Variants in DPYD observed in about 807,000 individuals in gnomAD.
DPYD encodes the protein dihydropyrimidine dehydrogenase.
In DPYD, 109 loss-of-function variants were observed where a neutral mutation model predicts 116.2. The ratio of observed to expected loss-of-function variants is 0.94; its 90% CI spans 0.80 to 1.10. The LOEUF is 1.10. Ranked by LOEUF, DPYD falls within the 50% of genes least tolerant of loss-of-function variation. The pLI is 0.00. For synonymous variants in DPYD, 440 were observed against 432.0 expected, an observed-to-expected ratio of 1.02 and a Z score of -0.23; for missense variants, 1,302 against 1,254.5, an observed-to-expected ratio of 1.04 and a Z score of -0.57.
chr1:97,207,541 T>G (rs2101862392), intron 19 of DPYD, among the ~76,000 whole-genome samples: 1 of 152,284 alleles, frequency 6.6e-6, no homozygotes, highest in East Asian at 1.9e-4. Context: ...TTGATTATGT[T>G]TTCTCTTATG....
chr1:97,206,693 A>G (rs1282257423), intron 19 of DPYD, among the ~76,000 whole-genome samples: 1 of 118,326 alleles, frequency 8.5e-6, no homozygotes, highest in Admixed American at 9.1e-5. Context: ...TATATAATCT[A>G]TATGCTTATA....
At position 97,641,227 on chromosome 1, in the gene DPYD, T is replaced by C. The variant is rs151122402; in HGVS notation, c.850+37868A>G. Among the ~76,000 whole-genome samples the C allele has an allele frequency of 9.9e-3, 1,514 of 152,252 alleles. 20 individuals carry two copies. The highest frequency in any genetic ancestry group is 0.016 in the Non-Finnish European group (1,065 of 68,024). ...GATTTCTGACAAATCCACCCAGATATTGTACACAGTGCGTAGTGGGCAATT... is the reference window on the plus strand; with the variant it reads ...GATTTCTGACAAATCCACCCAGATACTGTACACAGTGCGTAGTGGGCAATT... On this transcript the variant is annotated intron_variant, in intron 8 of 22. Coordinates refer to ENST00000370192, the MANE Select transcript of DPYD (RefSeq NM_000110.4).
rs547520664 is a variant in DPYD, at chr1:97,200,572, A to C, written c.2443-7324T>G. Among the ~76,000 whole-genome samples the C allele has an allele frequency of 2.0e-5, 3 of 152,312 alleles. 1 individual carries two copies. The highest frequency in any genetic ancestry group is 1.5e-5 in the Non-Finnish European group (1 of 68,032). On this transcript the variant is annotated intron_variant, in intron 19 of 22. Transcript: ENST00000370192. ...AAAGAAGGTTATATTATCTCTTCTT[A>C]CTAACCTATTTTGATAAGCACATAT... is the stretch of plus-strand genomic sequence containing the variant.
intron 13 of DPYD, among the ~76,000 whole-genome samples, chr1:97,512,667 T>C (rs990191830): frequency 1.3e-5 from 2 of 151,880 alleles, no homozygotes; most frequent in Non-Finnish European, 2.9e-5. Context: ...GTCCAAACCA[T>C]TTCTAATATT....
intron 12 of DPYD, among the ~76,000 whole-genome samples, chr1:97,544,645 G>A (rs1375776969): frequency 3.5e-5 from 5 of 142,614 alleles, no homozygotes; most frequent in Middle Eastern, 3.8e-3. Context: ...TTAGATTCAG[G>A]AAGTTACAAG....
At chr1:97,102,360 T>A (rs552161007) in intron 20 of DPYD, among the ~76,000 whole-genome samples, 21 of 137,692 alleles carry the variant, frequency 1.5e-4, no homozygotes, top group Non-Finnish European at 2.6e-4. Context: ...AAGATGAAAA[T>A]ATTTCCGGCT....
At chr1:97,500,801 C>T (rs545874790) in intron 13 of DPYD, among the ~76,000 whole-genome samples, 1 of 152,182 alleles carries the variant, frequency 6.6e-6, no homozygotes, top group South Asian at 2.1e-4. Context: ...CCTTTTGTTT[C>T]CACTAAATCC....
At chr1:97,242,132 A>G (rs1234399197) in intron 18 of DPYD, among the ~76,000 whole-genome samples, 1 of 61,282 alleles carries the variant, frequency 1.6e-5, no homozygotes, top group African/African-American at 7.6e-5. Flanking sequence ...GTGTATATAT[A>G]TATATATATA....
At chr1:97,495,828 TAAA>T (rs1003038923) in intron 13 of DPYD, among the ~76,000 whole-genome samples, 2 of 152,142 alleles carry the variant, frequency 1.3e-5, no homozygotes, top group Non-Finnish European at 2.9e-5. Context: ...TTAGAATAAT[TAAA>T]TAGAATTTGA....
chr1:97,548,223 AG>A (rs1371188827), intron 12 of DPYD, among the ~76,000 whole-genome samples: 1 of 152,198 alleles, frequency 6.6e-6, no homozygotes, highest in Non-Finnish European at 1.5e-5. Context: ...CAAATTTTCC[AG>A]GAACATTTTA....
At chr1:97,336,096 A>G (rs903154390) in intron 16 of DPYD, among the ~76,000 whole-genome samples, 26 of 152,230 alleles carry the variant, frequency 1.7e-4, no homozygotes, top group African/African-American at 5.8e-4. Flanking sequence ...AAGCTCCAAA[A>G]AAGCAACAAT....
intron 18 of DPYD, among the ~76,000 whole-genome samples, chr1:97,285,271 A>C (rs1188114766): frequency 6.6e-6 from 1 of 152,180 alleles, no homozygotes; most frequent in Non-Finnish European, 1.5e-5. Flanking sequence ...TGCTTCCAAC[A>C]ACTGCTTGCT....
chr1:97,546,055 G>A, intron 12 of DPYD: 1 of 1,396,916 alleles, frequency 7.2e-7, no homozygotes, highest in Non-Finnish European at 1.0e-6. Flanking sequence ...GATGAAGACA[G>A]CAACAACATC....
intron 18 of DPYD, among the ~76,000 whole-genome samples, chr1:97,251,137 C>T (rs1435082702): frequency 6.6e-6 from 1 of 151,986 alleles, no homozygotes; most frequent in Non-Finnish European, 1.5e-5. Flanking sequence ...TGGCTCATGT[C>T]TGTAATTCCA....
At chr1:97,215,938 A>C (rs578144483) in intron 19 of DPYD, among the ~76,000 whole-genome samples, 3 of 152,336 alleles carry the variant, frequency 2.0e-5, no homozygotes, top group Non-Finnish European at 4.4e-5. Flanking sequence ...AGAGGATCAG[A>C]TCACCTGCGG....
In DPYD at chr1:97,828,176, A is replaced by G. The variant is rs1452563352; in HGVS notation, c.171T>C (p.Asn57=). 2 of 1,613,570 alleles carry G rather than the reference A, an allele frequency of 1.2e-6. No individual in the cohort carries two copies. Among genetic ancestry groups the G allele is most frequent in the Non-Finnish European group, 1.7e-6 (2 of 1,179,806 alleles). ...KNCFNCEKLE[N]NFDDIKHTTL... The stretch of plus-strand genomic sequence containing the variant: ...TCGTGTGCTTGATGTCATCAAAATT[A>G]TTCTCCAGCTTCTCACAATTCTGCA... The change falls in exon 3 of 23, where the codon AAT becomes AAC. Residue 57 remains asparagine, a synonymous_variant. Transcript: ENST00000370192.
At chr1:97,514,331 C>A in intron 13 of DPYD, 1 of 786,688 alleles carries the variant, frequency 1.3e-6, no homozygotes, top group Non-Finnish European at 1.5e-6. Context: ...ACATCAAATT[C>A]AAAGCAGCAA....
intron 1 of DPYD, among the ~76,000 whole-genome samples, chr1:97,892,009 T>G (rs545174272): frequency 6.6e-6 from 1 of 151,984 alleles, no homozygotes; most frequent in African/African-American, 2.4e-5. Context: ...TTATTTAAAT[T>G]ATGCTTACAT....
chr1:97,134,156 A>ACTT (rs201764673), intron 20 of DPYD, among the ~76,000 whole-genome samples: 1,582 of 150,118 alleles, frequency 0.011, 27 homozygotes, highest in African/African-American at 0.036. Flanking sequence ...TTAGGTAAAG[A>ACTT]CTTATGGCCA....
Sources: allele counts gnomAD v4.1 joint callset (sites outside exome capture counted in the v4.1 genomes callset), GRCh38; gene constraint gnomAD v4.1.1; transcripts MANE v1.5; gene names NCBI Gene and HGNC (gene_info 2026-07-23, HGNC 2026-07-21).